LDLRAD3: variants seen among roughly 807,000 people sequenced by gnomAD.
LDLRAD3 encodes low-density lipoprotein receptor class A domain-containing protein 3.
Under a neutral mutation model 29.4 loss-of-function variants are expected in LDLRAD3, and 20 were observed. The observed-to-expected ratio is 0.68, with a 90% CI of 0.48 to 0.99. The LOEUF is 0.99. LDLRAD3 is among the 50% of genes least tolerant of loss of function. The pLI is 0.00. For missense variants in LDLRAD3, 420 were observed against 454.3 expected, an observed-to-expected ratio of 0.92 and a Z score of 0.69; for synonymous variants, 157 against 192.7, an observed-to-expected ratio of 0.81 and a Z score of 1.53.
chr11:36,061,071 C>T (rs1190296482), intron 2 of LDLRAD3, among the ~76,000 whole-genome samples: 3 of 152,194 alleles, frequency 2.0e-5, no homozygotes, highest in Non-Finnish European at 4.4e-5. Context: ...CACGAAAGCC[C>T]AGAACACACA....
At chr11:36,013,523 GT>G (rs1003434017) in intron 1 of LDLRAD3, among the ~76,000 whole-genome samples, 11 of 118,580 alleles carry the variant, frequency 9.3e-5, no homozygotes, top group African/African-American at 3.3e-4. Flanking sequence ...TGTTCTCATT[GT>G]TCAACTCCCA....
intron 1 of LDLRAD3, among the ~76,000 whole-genome samples, chr11:36,024,960 A>C (rs1459015666): frequency 6.6e-6 from 1 of 152,242 alleles, no homozygotes; most frequent in Non-Finnish European, 1.5e-5. Context: ...GTCATGGCTT[A>C]GTAAGTTTGG....
chr11:36,022,878 A>G (rs990127864), intron 1 of LDLRAD3, among the ~76,000 whole-genome samples: 1 of 152,226 alleles, frequency 6.6e-6, no homozygotes, highest in Non-Finnish European at 1.5e-5. Flanking sequence ...TTGCTTGCTC[A>G]GGAGGTCTGA....
At position 36,118,510 on chromosome 11, in the gene LDLRAD3, T is replaced by TGA. The variant is rs777657772; in HGVS notation, c.454+20050_454+20051insAG. On this transcript the variant is annotated intron_variant, in intron 4 of 5. Coordinates refer to ENST00000315571, the MANE Select transcript of LDLRAD3 (RefSeq NM_174902.4). ...AAGTAAGAGTGAGTGTGTGTGTGTG[T>TGA]GTGAGAGAGAGAGAGAGAAGGAGGG... 1.5e-3 allele frequency among the ~76,000 whole-genome samples: 179 copies of TGA among 122,228 alleles called. 1 individual carries two copies. The highest frequency in any genetic ancestry group is 2.2e-3 in the Admixed American group (22 of 10,202). 80.2% of individuals were successfully genotyped at this position (122,228 alleles called of 152,430 possible). A position where few individuals can be genotyped will look rare whatever the true frequency, so the allele number is the denominator to read the frequency against.
At chr11:36,210,892 C>G (rs534482388) in intron 4 of LDLRAD3, among the ~76,000 whole-genome samples, 9 of 152,170 alleles carry the variant, frequency 5.9e-5, no homozygotes, top group Admixed American at 3.3e-4. Flanking sequence ...GGAGGGATAG[C>G]GGGAGAGGGG....
At chr11:36,112,841 C>T (rs7113652) in intron 4 of LDLRAD3, among the ~76,000 whole-genome samples, 10,708 of 152,174 alleles carry the variant, frequency 0.07, 749 homozygotes, top group East Asian at 0.32. Context: ...TTTTTTTCCT[C>T]AGATGTTTTC....
chr11:36,197,497 A>G (rs987753470), intron 4 of LDLRAD3: 12 of 152,172 alleles, frequency 7.9e-5, no homozygotes, highest in African/African-American at 2.9e-4. Flanking sequence ...CTTCAGGAAA[A>G]TGGGGCTGTT....
chr11:36,015,622 C>T (rs1216282307), intron 1 of LDLRAD3, among the ~76,000 whole-genome samples: 1 of 151,734 alleles, frequency 6.6e-6, no homozygotes, highest in African/African-American at 2.4e-5. Context: ...GCATTGCCAA[C>T]CCCAGAGCCC....
intron 4 of LDLRAD3, among the ~76,000 whole-genome samples, chr11:36,144,341 C>T (rs1406101231): frequency 8.7e-5 from 13 of 148,658 alleles, no homozygotes; most frequent in Admixed American, 3.3e-4. Context: ...AGCCTCTGCC[C>T]GGCCGCCACC....
At chr11:36,137,362 A>C (rs1005798593) in intron 4 of LDLRAD3, among the ~76,000 whole-genome samples, 14 of 152,174 alleles carry the variant, frequency 9.2e-5, no homozygotes, top group Non-Finnish European at 1.9e-4. Flanking sequence ...TTCAGTTTTT[A>C]CCCAACCAAC....
At chr11:35,986,644 T>C (rs1203802755) in intron 1 of LDLRAD3, among the ~76,000 whole-genome samples, 4 of 152,234 alleles carry the variant, frequency 2.6e-5, no homozygotes, top group Non-Finnish European at 5.9e-5. Context: ...CTCCACCGTC[T>C]GCAACATTGC....
At chr11:36,037,054 C>G (rs1165449642) in intron 2 of LDLRAD3, among the ~76,000 whole-genome samples, 1 of 152,174 alleles carries the variant, frequency 6.6e-6, no homozygotes, top group African/African-American at 2.4e-5. Context: ...GCAGAGTGAG[C>G]TTGGCCATGG....
At chr11:36,049,351 T>A (rs1193162278) in intron 2 of LDLRAD3, among the ~76,000 whole-genome samples, 1 of 152,062 alleles carries the variant, frequency 6.6e-6, no homozygotes, top group Non-Finnish European at 1.5e-5. Flanking sequence ...GATCGCTTTT[T>A]AAAAAAATCT....
At chr11:36,187,845 A>G (rs1854876314) in intron 4 of LDLRAD3, among the ~76,000 whole-genome samples, 1 of 152,238 alleles carries the variant, frequency 6.6e-6, no homozygotes, top group Admixed American at 6.5e-5. Context: ...TGTCTCCTGA[A>G]GACAGGCCAA....
intron 1 of LDLRAD3, among the ~76,000 whole-genome samples, chr11:36,032,707 A>AG (rs1852250711): frequency 6.6e-6 from 1 of 152,110 alleles, no homozygotes; most frequent in African/African-American, 2.4e-5. Context: ...ATATGTTCCC[A>AG]GGGGGGCAAA....
intron 4 of LDLRAD3, among the ~76,000 whole-genome samples, chr11:36,186,335 G>C (rs1854848169): frequency 6.6e-6 from 1 of 152,142 alleles, no homozygotes; most frequent in Non-Finnish European, 1.5e-5. Flanking sequence ...TATTATGCTA[G>C]CCCAGAGAAA....
chr11:36,148,769 A>G (rs1215449404), intron 4 of LDLRAD3, among the ~76,000 whole-genome samples: 4 of 152,200 alleles, frequency 2.6e-5, no homozygotes, highest in African/African-American at 7.2e-5. Flanking sequence ...TCTGAGGGAC[A>G]TGGTGCATTC....
chr11:36,218,505 G>A (rs879589835), intron 4 of LDLRAD3, among the ~76,000 whole-genome samples: 6 of 152,222 alleles, frequency 3.9e-5, no homozygotes, highest in Non-Finnish European at 5.9e-5. Flanking sequence ...AGACTCTCAC[G>A]GAGGTTTTCT....
intron 4 of LDLRAD3, among the ~76,000 whole-genome samples, chr11:36,165,764 T>C (rs1854503991): frequency 6.6e-6 from 1 of 150,422 alleles, no homozygotes; most frequent in African/African-American, 2.4e-5. Flanking sequence ...TAAGTCATCT[T>C]ACATGAAGAA....
Sources: allele counts gnomAD v4.1 joint callset (sites outside exome capture counted in the v4.1 genomes callset), GRCh38; gene constraint gnomAD v4.1.1; transcripts MANE v1.5; gene names NCBI Gene and HGNC (gene_info 2026-07-23, HGNC 2026-07-21).